The following DCX variants were observed in gnomAD, a reference collection of about 807,000 sequenced individuals.
DCX encodes neuronal migration protein doublecortin.
A neutral mutation model predicts 20.9 loss-of-function variants in DCX; 4 were observed. That is an observed-to-expected ratio of 0.19 (90% confidence interval 0.09 to 0.44). The LOEUF (loss-of-function observed/expected upper bound fraction) is 0.44, where lower values mean the gene tolerates loss of function less well. DCX is among the 20% of genes least tolerant of loss of function. The pLI is 0.99. For missense variants in DCX, 133 were observed against 296.9 expected (o/e 0.45, Z 4.06); for synonymous variants, 103 against 111.4 (o/e 0.92, Z 0.47).
At chrX:111,358,068 T>A (rs937811365) in intron 3 of DCX, among the ~76,000 whole-genome samples, 2 of 111,550 alleles carry the variant, frequency 1.8e-5, no homozygotes, top group African/African-American at 3.3e-5. Flanking sequence ...CCTCTGGTGG[T>A]CCGCCTGCCT....
At chrX:111,302,714 T>C (rs2095036713) in intron 6 of DCX, among the ~76,000 whole-genome samples, 1 of 112,655 alleles carries the variant, frequency 8.9e-6, no homozygotes, top group Non-Finnish European at 1.9e-5. Flanking sequence ...GCTAATGATG[T>C]TTAACATCTT....
At chrX:111,397,087 T>C (rs1015567500) in intron 3 of DCX, among the ~76,000 whole-genome samples, 77 of 111,708 alleles carry the variant, frequency 6.9e-4, no homozygotes, top group African/African-American at 2.3e-3. Flanking sequence ...TGTCTGCAGA[T>C]TGCTTGTCAA....
At chrX:111,335,458 C>T (rs1257537918) in intron 3 of DCX, among the ~76,000 whole-genome samples, 1 of 111,955 alleles carries the variant, frequency 8.9e-6, no homozygotes, top group East Asian at 2.8e-4. Flanking sequence ...TAAGGATACA[C>T]AAAGACAGAA....
intron 6 of DCX, among the ~76,000 whole-genome samples, chrX:111,303,698 C>T (rs2095038964): frequency 9.0e-6 from 1 of 111,154 alleles, no homozygotes; most frequent in Admixed American, 9.5e-5. Context: ...AGGTTTCTTC[C>T]AGCTCTGAGA....
At chrX:111,372,932 T>C (rs1037864312) in intron 3 of DCX, among the ~76,000 whole-genome samples, 5 of 111,226 alleles carry the variant, frequency 4.5e-5, no homozygotes, top group Non-Finnish European at 7.5e-5. Flanking sequence ...ATGTGAGGGC[T>C]TACAGATACT....
Position 111,312,742 on chromosome X carries a change from C to T in DCX, c.947-6G>A. ...GCTGCTGGAGGTTCCGTTTGCTAGC[C>T]CAAAGCAAGAGAAAAGGAAGGGATA... On this transcript the variant is annotated splice_region_variant and splice_polypyrimidine_tract_variant and intron_variant, in intron 5 of 6. Transcript: ENST00000636035. The T allele has an allele frequency of 8.3e-7, 1 of 1,209,378 alleles. No homozygotes were observed. Among genetic ancestry groups the T allele is most frequent in the African/African-American group, 1.7e-5 (1 of 57,538 alleles).
chrX:111,368,477 G>A (rs1924807295), intron 3 of DCX, among the ~76,000 whole-genome samples: 1 of 111,332 alleles, frequency 9.0e-6, no homozygotes, highest in African/African-American at 3.3e-5. Context: ...ATAATACCAC[G>A]ATTATTTTAT....
At chrX:111,310,971 T>G (rs1021669253) in intron 6 of DCX, among the ~76,000 whole-genome samples, 1 of 112,221 alleles carries the variant, frequency 8.9e-6, no homozygotes, top group Non-Finnish European at 1.9e-5. Context: ...ATGTCCAAGC[T>G]GCCTTCACAC....
Position 111,312,550 on chromosome X carries a change from G to A in DCX, c.1044+89C>T, listed in dbSNP as rs895835198. The stretch of plus-strand genomic sequence containing the variant: ...TGAAGAAAATTTCTGGCCTTAATGT[G>A]CTGTTGAGTTAGAATGGAAGAGAAA... On this transcript the variant is annotated intron_variant, in intron 6 of 6. Transcript: ENST00000636035. The A allele has an allele frequency of 9.4e-6, 9 of 959,929 alleles. No individual in the cohort carries two copies. In the African/African-American group the frequency reaches 1.3e-4, roughly 14 times the overall value. The allele number at this position is 959,929 out of a possible 1,213,427, so 79.1% of individuals were successfully genotyped here.
At chrX:111,409,396 C>G (rs1928514494) in intron 2 of DCX, among the ~76,000 whole-genome samples, 1 of 111,168 alleles carries the variant, frequency 9.0e-6, no homozygotes, top group African/African-American at 3.3e-5. Flanking sequence ...TATAGTGAGT[C>G]AAATCCTATT....
intron 3 of DCX, among the ~76,000 whole-genome samples, chrX:111,347,948 C>A (rs1187655616): frequency 8.9e-6 from 1 of 111,944 alleles, no homozygotes; most frequent in African/African-American, 3.3e-5. Flanking sequence ...TGTTTTCAAC[C>A]TTTAAAATAG....
At chrX:111,358,773 C>T (rs1923963519) in intron 3 of DCX, among the ~76,000 whole-genome samples, 1 of 111,367 alleles carries the variant, frequency 9.0e-6, no homozygotes, top group Admixed American at 9.5e-5. Context: ...GCAAGAGCAA[C>T]ATAAAAAGTA....
At chrX:111,359,406 G>A (rs1213487733) in intron 3 of DCX, among the ~76,000 whole-genome samples, 1 of 111,708 alleles carries the variant, frequency 9.0e-6, no homozygotes, top group African/African-American at 3.3e-5. Flanking sequence ...ATAGAGATAA[G>A]CATAATAGGA....
chrX:111,402,748 TTATGTGTGTGTG>T (rs777934607), intron 2 of DCX, among the ~76,000 whole-genome samples: 32 of 109,005 alleles, frequency 2.9e-4, no homozygotes, highest in South Asian at 2.0e-3. Flanking sequence ...TTGAGGACAT[TTATGTGTGTGTG>T]TATGTGTGTG....
At chrX:111,395,262 T>G (rs928604674) in intron 3 of DCX, among the ~76,000 whole-genome samples, 1 of 111,533 alleles carries the variant, frequency 9.0e-6, no homozygotes. Flanking sequence ...AAGAACAGAG[T>G]GAAGACTAAA....
At chrX:111,307,104 C>T (rs1041751188) in intron 6 of DCX, among the ~76,000 whole-genome samples, 2 of 110,180 alleles carry the variant, frequency 1.8e-5, no homozygotes, top group African/African-American at 6.6e-5. Flanking sequence ...ACCTTAAAAA[C>T]CACCAAACTA....
At chrX:111,350,442 T>C in intron 3 of DCX, among the ~76,000 whole-genome samples, 1 of 112,336 alleles carries the variant, frequency 8.9e-6, no homozygotes, top group South Asian at 3.8e-4. Flanking sequence ...AACCATATAG[T>C]TACCATGTAG....
At chrX:111,398,932 G>A (rs1227503066) in intron 3 of DCX, among the ~76,000 whole-genome samples, 1 of 110,808 alleles carries the variant, frequency 9.0e-6, no homozygotes, top group Non-Finnish European at 1.9e-5. Flanking sequence ...GGGCAACACA[G>A]TGAAAACCCG....
At chrX:111,318,243 G>A (rs887454149) in intron 5 of DCX, among the ~76,000 whole-genome samples, 1 of 106,020 alleles carries the variant, frequency 9.4e-6, no homozygotes, top group African/African-American at 3.4e-5. Flanking sequence ...TAAAGAAAAG[G>A]GAATGCTTAT....
Sources: allele counts gnomAD v4.1 joint callset (sites outside exome capture counted in the v4.1 genomes callset), GRCh38; gene constraint gnomAD v4.1.1; transcripts MANE v1.5; gene names NCBI Gene and HGNC (gene_info 2026-07-23, HGNC 2026-07-21).